Variants in NFASC observed in about 807,000 individuals in gnomAD.
The protein encoded by NFASC is neurofascin homolog.
In NFASC, 43 loss-of-function variants were observed where a neutral mutation model predicts 147.5. The observed-to-expected ratio is 0.29, with a 90% confidence interval of 0.23 to 0.38. The LOEUF (loss-of-function observed/expected upper bound fraction) is 0.38, where lower values mean the gene tolerates loss of function less well. Ranked by LOEUF, NFASC falls within the 10% of genes least tolerant of loss-of-function variation. The pLI, the probability that NFASC is intolerant of heterozygous loss-of-function variation, is 1.00. For synonymous variants in NFASC, 622 were observed against 665.5 expected (o/e 0.93, Z 1.01); for missense variants, 1,320 against 1,689.0 (o/e 0.78, Z 3.83).
chr1:204,872,715 A>C (rs1381309721), intron 1 of NFASC, among the ~76,000 whole-genome samples: 3 of 152,126 alleles, frequency 2.0e-5, no homozygotes, highest in Non-Finnish European at 4.4e-5. Context: ...CCTCTCTCTG[A>C]GGCTGATGTG....
chr1:204,928,006 A>T (rs914270651), intron 2 of NFASC, among the ~76,000 whole-genome samples: 1 of 151,486 alleles, frequency 6.6e-6, no homozygotes, highest in African/African-American at 2.4e-5. Context: ...CAGAGGGGGG[A>T]GTTCGCTTCT....
chr1:204,877,046 TATAA>T (rs2079097458), intron 1 of NFASC, among the ~76,000 whole-genome samples: 6 of 103,882 alleles, frequency 5.8e-5, no homozygotes, highest in Admixed American at 1.2e-4. Flanking sequence ...TTTATATATA[TATAA>T]TATATTTATT....
At chr1:204,953,979 C>T (rs1278343189) in intron 5 of NFASC, among the ~76,000 whole-genome samples, 7 of 152,024 alleles carry the variant, frequency 4.6e-5, no homozygotes, top group African/African-American at 1.5e-4. Flanking sequence ...TGGACAGTCA[C>T]TTGGGTGGGA....
chr1:204,960,668 G>C (rs1397210886), intron 8 of NFASC, among the ~76,000 whole-genome samples: 1 of 152,236 alleles, frequency 6.6e-6, no homozygotes, highest in Non-Finnish European at 1.5e-5. Flanking sequence ...CCTGTCATCT[G>C]TATGTGCCAC....
At chr1:204,916,056 C>G (rs570774242) in intron 1 of NFASC, among the ~76,000 whole-genome samples, 1 of 152,316 alleles carries the variant, frequency 6.6e-6, no homozygotes, top group African/African-American at 2.4e-5. Context: ...CTCCTTGCTT[C>G]CAGCCCAGAC....
intron 1 of NFASC, among the ~76,000 whole-genome samples, chr1:204,831,205 A>G (rs1002505057): frequency 6.6e-6 from 1 of 151,986 alleles, no homozygotes; most frequent in African/African-American, 2.4e-5. Context: ...GTTTTGTGCA[A>G]TGAATTTCAC....
intron 20 of NFASC, among the ~76,000 whole-genome samples, chr1:204,981,159 C>G (rs1202580961): frequency 6.6e-6 from 1 of 152,262 alleles, no homozygotes; most frequent in East Asian, 1.9e-4. Context: ...AAGGCTGCTC[C>G]CACAGCAGCC....
intron 2 of NFASC, among the ~76,000 whole-genome samples, chr1:204,932,497 A>G (rs1345062305): frequency 6.6e-6 from 1 of 152,124 alleles, no homozygotes; most frequent in Non-Finnish European, 1.5e-5. Context: ...ACTAAGATTG[A>G]CAGCGTTTGC....
chr1:204,970,912 A>G (rs1251624907), intron 11 of NFASC, among the ~76,000 whole-genome samples, 165 bp downstream of exon 11: 1 of 152,224 alleles, frequency 6.6e-6, no homozygotes, highest in African/African-American at 2.4e-5. Context: ...CTCAAGAGGC[A>G]GGAAACCTAC....
intron 1 of NFASC, among the ~76,000 whole-genome samples, chr1:204,862,645 G>A (rs1303711399): frequency 2.0e-5 from 3 of 152,200 alleles, no homozygotes; most frequent in Non-Finnish European, 4.4e-5. Context: ...CTAGAGAGGA[G>A]AAGGGTCAGT....
rs1408341014 is a variant in NFASC at position 204,977,684 on chromosome 1, A to T, written c.1835A>T (p.Asp612Val). 6.2e-7 allele frequency: 1 copy of T among 1,610,230 alleles called. No homozygotes were observed. The highest frequency in any genetic ancestry group is 1.7e-5 in the Admixed American group (1 of 59,938). The stretch of plus-strand genomic sequence containing the variant: ...ATAACCCGTCTTACCTTTGCAGCTG[A>T]TCAGGCCACTCCAACTAACCGTTTG... ...LAKAYLTVLA[D>V]QATPTNRLAA... The change falls in exon 17 of 30, where the codon GAT becomes GTT. Residue 612 changes from aspartate (D) to valine (V), a missense_variant. This residue lies in a region of NFASC where 981 missense variants were observed against 1,289.5 expected (regional missense o/e 0.76). Coordinates refer to ENST00000339876, the MANE Select transcript of NFASC (RefSeq NM_001005388.3).
intron 8 of NFASC, among the ~76,000 whole-genome samples, chr1:204,959,280 G>C (rs948179962): frequency 3.3e-5 from 5 of 152,306 alleles, no homozygotes; most frequent in South Asian, 4.1e-4. Context: ...CCGGCAGGTT[G>C]CCTGACACCT....
intron 1 of NFASC, among the ~76,000 whole-genome samples, chr1:204,901,529 A>G (rs147197733): frequency 7.9e-4 from 120 of 152,320 alleles, no homozygotes; most frequent in African/African-American, 2.5e-3. Flanking sequence ...CGTTGAGGTC[A>G]TGGATGACCT....
intron 1 of NFASC, among the ~76,000 whole-genome samples, chr1:204,852,500 A>AAAAAC (rs1207291061): frequency 4.8e-4 from 73 of 152,182 alleles, no homozygotes; most frequent in African/African-American, 1.7e-3. Flanking sequence ...ACTCCGTCTG[A>AAAAAC]AAAACAAAAC....
Position 205,010,216 on chromosome 1 carries a change from T to G in NFASC, c.3421+528T>G, listed in dbSNP as rs969059239. ...TCAGAAGCGAGGAGCAGGGAGAGGC[T>G]GAAGATGGGTGGCACTGGTAGGGAC... is the stretch of plus-strand genomic sequence containing the variant. On this transcript the variant is annotated intron_variant, in intron 28 of 29. Transcript: ENST00000339876. The surrounding 1 kb of genome is among the most constrained non-coding windows in gnomAD (Gnocchi z 4.1). The G allele has an allele frequency of 2.5e-5, 4 of 156,984 alleles. No homozygotes were observed. Among genetic ancestry groups the G allele is most frequent in the African/African-American group, 9.6e-5 (4 of 41,508 alleles). The allele number at this position is 156,984 out of a possible 1,614,324, so 9.7% of individuals were successfully genotyped here.
intron 1 of NFASC, among the ~76,000 whole-genome samples, chr1:204,889,493 A>G (rs926037750): frequency 2.0e-5 from 3 of 152,248 alleles, no homozygotes; most frequent in African/African-American, 7.2e-5. Context: ...TAGTTAATCC[A>G]CAAAATCCAT....
In NFASC at chr1:204,931,927, A is replaced by G. The variant is rs77667877; in HGVS notation, c.-91+11187A>G. 2.8e-3 allele frequency among the ~76,000 whole-genome samples: 424 copies of G among 152,190 alleles called. 1 individual carries two copies. The highest frequency in any genetic ancestry group is 0.01 in the African/African-American group (418 of 41,514). On this transcript the variant is annotated intron_variant, in intron 2 of 29. Coordinates refer to ENST00000339876, the MANE Select transcript of NFASC (RefSeq NM_001005388.3). ...GAGAACATTAAACCATCCTTCTATC[A>G]TGATCTCCCCTTTTCTCTCTCACTC...
chr1:204,919,151 A>G (rs1043641270), intron 1 of NFASC, among the ~76,000 whole-genome samples: 2 of 152,092 alleles, frequency 1.3e-5, no homozygotes, highest in Non-Finnish European at 1.5e-5. Context: ...CAGCCTCCCA[A>G]GTAGCTGGGA....
intron 2 of NFASC, among the ~76,000 whole-genome samples, chr1:204,923,825 G>GC (rs2090996547): frequency 6.6e-6 from 1 of 152,092 alleles, no homozygotes; most frequent in Non-Finnish European, 1.5e-5. Flanking sequence ...GAAAGCTACT[G>GC]CCCTAATAGC....
Sources: allele counts gnomAD v4.1 joint callset (sites outside exome capture counted in the v4.1 genomes callset), GRCh38; gene constraint gnomAD v4.1.1; regional missense constraint gnomAD v4.1.1; non-coding constraint Gnocchi (gnomAD v3.1); transcripts MANE v1.5; gene names NCBI Gene and HGNC (gene_info 2026-07-23, HGNC 2026-07-21).